Variants in LRRC37A2 observed in about 807,000 individuals in gnomAD.
LRRC37A2 encodes leucine rich repeat containing 37 member A2, also known as leucine-rich repeat-containing protein 37A2.
Under a neutral mutation model 68.8 loss-of-function variants are expected in LRRC37A2, and 9 were observed. The ratio of observed to expected loss-of-function variants is 0.13; its 90% CI spans 0.08 to 0.23. The LOEUF (loss-of-function observed/expected upper bound fraction) is 0.23, where lower values mean the gene tolerates loss of function less well. Among genes scored for constraint, LRRC37A2 ranks in the 10% least tolerant of loss-of-function variants. The pLI, the probability that LRRC37A2 is intolerant of heterozygous loss-of-function variation, is 1.00. For synonymous variants in LRRC37A2, 63 were observed against 367.6 expected, an observed-to-expected ratio of 0.17 and a Z score of 9.48; for missense variants, 168 against 950.4, an observed-to-expected ratio of 0.18 and a Z score of 10.82.
chr17:46,469,857 C>G, the LRRC37A2 span, among the ~76,000 whole-genome samples: 1 of 67,778 alleles, frequency 1.5e-5, no homozygotes, highest in Non-Finnish European at 3.7e-5. Context: ...CTCCTGTCAC[C>G]AAAATTCTCA....
the LRRC37A2 span, among the ~76,000 whole-genome samples, chr17:46,392,419 C>CTT: frequency 8.8e-4 from 49 of 55,818 alleles, 4 homozygotes; most frequent in African/African-American, 2.5e-3. Flanking sequence ...TTCTCTCTCT[C>CTT]TCTTTCTTTC....
chr17:47,040,321 T>C, the LRRC37A2 span, among the ~76,000 whole-genome samples: 2 of 151,066 alleles, frequency 1.3e-5, no homozygotes, highest in African/African-American at 4.8e-5. Flanking sequence ...ATATCTGGTC[T>C]TTCTCAGGGA....
the LRRC37A2 span, among the ~76,000 whole-genome samples, chr17:46,943,604 C>T: frequency 1.3e-5 from 2 of 152,230 alleles, no homozygotes; most frequent in Non-Finnish European, 1.5e-5. Context: ...TTGTGCATCC[C>T]GGGCACGTAG....
the LRRC37A2 span, among the ~76,000 whole-genome samples, chr17:46,502,802 AAC>A: frequency 2.6e-5 from 4 of 151,386 alleles, no homozygotes; most frequent in South Asian, 8.3e-4. Context: ...CCAAGGTGAC[AAC>A]TGTCTGTACC....
chr17:46,876,787 G>T, the LRRC37A2 span: 2 of 1,466,594 alleles, frequency 1.4e-6, no homozygotes, highest in Middle Eastern at 2.3e-4. Flanking sequence ...CTGCCCAGCC[G>T]GCCCTCTGGG....
the LRRC37A2 span, among the ~76,000 whole-genome samples, chr17:46,816,200 C>T: frequency 6.6e-6 from 1 of 151,624 alleles, no homozygotes; most frequent in Non-Finnish European, 1.5e-5. Context: ...CCCAGCGTCA[C>T]AGGCAGACAC....
chr17:47,022,674 G>T, the LRRC37A2 span, among the ~76,000 whole-genome samples: 7 of 152,140 alleles, frequency 4.6e-5, no homozygotes, highest in Non-Finnish European at 7.4e-5. Context: ...TCACATAAAG[G>T]GTAACATCTT....
At chr17:47,015,262 C>T in the LRRC37A2 span, among the ~76,000 whole-genome samples, 5 of 152,294 alleles carry the variant, frequency 3.3e-5, no homozygotes, top group South Asian at 2.1e-4. Context: ...CCCACCTTGG[C>T]GTCCCAAAGT....
chr17:46,766,525 G>A, the LRRC37A2 span, among the ~76,000 whole-genome samples: 137 of 152,172 alleles, frequency 9.0e-4, no homozygotes, highest in Non-Finnish European at 1.6e-3. Context: ...ATTCACCTTC[G>A]TCCTCTCCCA....
At chr17:46,492,195 C>T in the LRRC37A2 span, among the ~76,000 whole-genome samples, 17 of 151,458 alleles carry the variant, frequency 1.1e-4, no homozygotes. Flanking sequence ...GAACTCCTGA[C>T]CTCAGGTAAT....
At chr17:46,940,848 C>T in the LRRC37A2 span, 6 of 1,442,708 alleles carry the variant, frequency 4.2e-6, no homozygotes, top group Non-Finnish European at 5.5e-6. Flanking sequence ...TGTGTCTGGA[C>T]ACCCAGGGGC....
chr17:46,785,500 C>T, the LRRC37A2 span, among the ~76,000 whole-genome samples: 4 of 152,238 alleles, frequency 2.6e-5, no homozygotes, highest in Admixed American at 2.6e-4. Flanking sequence ...CCCCCGAGGA[C>T]AGGCCCCAGG....
At chr17:46,502,434 TG>T in the LRRC37A2 span, among the ~76,000 whole-genome samples, 1 of 151,030 alleles carries the variant, frequency 6.6e-6, no homozygotes, top group East Asian at 1.9e-4. Context: ...CCCAAGTAGC[TG>T]GGATTATAGG....
the LRRC37A2 span, among the ~76,000 whole-genome samples, chr17:46,874,103 G>A: frequency 2.0e-5 from 3 of 152,000 alleles, no homozygotes; most frequent in Non-Finnish European, 4.4e-5. Flanking sequence ...TGTCTCTCTC[G>A]GGACATCACC....
chr17:46,879,119 T>C, the LRRC37A2 span, among the ~76,000 whole-genome samples: 2 of 152,254 alleles, frequency 1.3e-5, no homozygotes, highest in East Asian at 1.9e-4. Flanking sequence ...AGGAGAATAA[T>C]TTATATAGCT....
the LRRC37A2 span, among the ~76,000 whole-genome samples, chr17:46,494,593 G>C: frequency 2.6e-5 from 4 of 151,398 alleles, no homozygotes; most frequent in African/African-American, 9.8e-5. Flanking sequence ...GTAGTGGATT[G>C]GCCATGGTTT....
chr17:46,719,495 G>A, the LRRC37A2 span, among the ~76,000 whole-genome samples: 2 of 152,064 alleles, frequency 1.3e-5, no homozygotes, highest in Non-Finnish European at 2.9e-5. This position sits in a 1 kb window ranked among gnomAD's most constrained non-coding sequence, Gnocchi z 4.3. Flanking sequence ...TTGCTTATTA[G>A]TGAATCCTTT....
the LRRC37A2 span, among the ~76,000 whole-genome samples, chr17:46,743,798 C>T: frequency 3.3e-5 from 5 of 152,210 alleles, no homozygotes; most frequent in African/African-American, 1.2e-4. Context: ...ACAGGTCTTC[C>T]TCCTCAAGAG....
At chr17:46,747,225 T>C in the LRRC37A2 span, among the ~76,000 whole-genome samples, 2 of 152,208 alleles carry the variant, frequency 1.3e-5, no homozygotes, top group Non-Finnish European at 2.9e-5. Flanking sequence ...GGGCAAGTCA[T>C]AGGAAACAGA....
Sources: gnomAD v4.1 joint callset for allele counts (sites outside exome capture counted in the v4.1 genomes callset) on GRCh38, gnomAD v4.1.1 for gene constraint, Gnocchi (gnomAD v3.1) non-coding constraint, MANE v1.5 for transcripts, NCBI Gene and HGNC (gene_info 2026-07-23, HGNC 2026-07-21) for gene names.